The following MED12L variants were observed in gnomAD, a reference collection of about 807,000 sequenced individuals.
MED12L encodes the protein mediator complex subunit 12L.
MED12L carries 60 observed loss-of-function variants against 281.3 expected under a neutral mutation model. The ratio of observed to expected loss-of-function variants is 0.21; its 90% CI spans 0.17 to 0.26. The LOEUF is 0.26. Ranked by LOEUF, MED12L falls within the 10% of genes least tolerant of loss-of-function variation. MED12L has a pLI of 1.00. For synonymous variants in MED12L, 974 were observed against 987.2 expected (o/e 0.99, Z 0.25); for missense variants, 2,146 against 2,680.9 (o/e 0.80, Z 4.41).
intron 28 of MED12L, 141 bp downstream of exon 28, chr3:151,376,355 G>A: frequency 1.5e-6 from 1 of 668,964 alleles, no homozygotes; most frequent in East Asian, 3.1e-5. Context: ...CTGTGGAATT[G>A]ACATACTTTA....
chr3:151,360,391 C>A (rs1478904787), intron 20 of MED12L, 83 bp from the exon 21 acceptor site: 2 of 1,259,168 alleles, frequency 1.6e-6, no homozygotes, highest in African/African-American at 1.5e-5. Context: ...CCAAGTGATA[C>A]ATATTTTCAT....
At chr3:151,195,795 C>T (rs1724566165) in intron 16 of MED12L, among the ~76,000 whole-genome samples, 1 of 152,176 alleles carries the variant, frequency 6.6e-6, no homozygotes, top group African/African-American at 2.4e-5. Context: ...TCTCTTAAGT[C>T]ATTTACATTA....
intron 36 of MED12L, 43 bp downstream of exon 36, chr3:151,385,234 A>G (rs999849352): frequency 9.9e-7 from 1 of 1,007,442 alleles, no homozygotes; most frequent in Non-Finnish European, 1.5e-6. Context: ...TTATTTACAA[A>G]AGATGAAATA....
At position 151,242,523 on chromosome 3, in the gene MED12L, G is replaced by A. The variant is rs549227477; in HGVS notation, c.2250+48857G>A. Among the ~76,000 whole-genome samples the A allele has an allele frequency of 1.2e-4, 18 of 151,860 alleles. No homozygotes were observed. In the South Asian group the frequency reaches 1.2e-3, roughly 10 times the overall value. ...CAGGGGCACACTGACACCTCACACA[G>A]CAGGGTATTCCAACAGACCTGCAGC... On this transcript the variant is annotated intron_variant, in intron 16 of 44. Transcript: ENST00000687756.
At chr3:151,165,649 A>G (rs1046582858) in intron 10 of MED12L, 130 bp downstream of exon 10, 16 of 947,254 alleles carry the variant, frequency 1.7e-5, no homozygotes, top group Non-Finnish European at 6.5e-6. Flanking sequence ...TTTGAGGACA[A>G]TCTTCAGTTT....
intron 11 of MED12L, among the ~76,000 whole-genome samples, chr3:151,181,949 G>A (rs1249950536): frequency 6.6e-6 from 1 of 151,964 alleles, no homozygotes; most frequent in Non-Finnish European, 1.5e-5. Flanking sequence ...ATGTAGCATT[G>A]TGACCTTGCA....
chr3:151,252,810 A>G (rs996158185), intron 16 of MED12L, among the ~76,000 whole-genome samples: 6 of 152,146 alleles, frequency 3.9e-5, no homozygotes, highest in East Asian at 1.9e-4. Flanking sequence ...ACTTATCTAG[A>G]AAACCTTGAG....
Position 151,436,370 on chromosome 3 carries a change from A to T in MED12L, c.*3566A>T. On this transcript the variant is annotated 3_prime_UTR_variant, in exon 45 of 45. Coordinates refer to ENST00000687756, the MANE Select transcript of MED12L (RefSeq NM_001393769.1). ...GTGGACACTAGGCAACTGGTATTAGAAGTTCATTTTTTTACTGAAAAATTC... is the reference window on the plus strand; with the variant it reads ...GTGGACACTAGGCAACTGGTATTAGTAGTTCATTTTTTTACTGAAAAATTC... 4.4e-6 allele frequency: 1 copy of T among 224,906 alleles called. No homozygotes were observed. The allele number at this position is 224,906 out of a possible 1,614,324, so 13.9% of individuals were successfully genotyped here.
At chr3:151,153,057 A>G (rs1234072325) in intron 5 of MED12L, among the ~76,000 whole-genome samples, 1 of 152,184 alleles carries the variant, frequency 6.6e-6, no homozygotes, top group African/African-American at 2.4e-5. Flanking sequence ...ACGTGTTTTC[A>G]TATACTAGAG....
At chr3:151,318,949 C>G (rs1288125789) in intron 16 of MED12L, among the ~76,000 whole-genome samples, 2 of 152,114 alleles carry the variant, frequency 1.3e-5, no homozygotes, top group Non-Finnish European at 2.9e-5. Context: ...GCACTTTTTC[C>G]TTTCCCAATA....
chr3:151,188,854 T>A (rs1014372491), intron 13 of MED12L, among the ~76,000 whole-genome samples: 3 of 152,208 alleles, frequency 2.0e-5, no homozygotes, highest in Non-Finnish European at 4.4e-5. Context: ...CAAGCAACAG[T>A]ACTCTATAGC....
At chr3:151,290,583 GAACA>G (rs1328861760) in intron 16 of MED12L, among the ~76,000 whole-genome samples, 1 of 150,868 alleles carries the variant, frequency 6.6e-6, no homozygotes, top group Non-Finnish European at 1.5e-5. Context: ...AATTTAGAAA[GAACA>G]GTCTATTTGT....
chr3:151,365,137 C>A lies in MED12L; in HGVS notation c.3116C>A (p.Ala1039Glu). The A allele has an allele frequency of 1.2e-6, 2 of 1,614,014 alleles. No homozygotes were observed. The highest frequency in any genetic ancestry group is 2.2e-5 in the East Asian group (1 of 44,880). ...SMLGKILSDN[A>E]ANRYSFVCNT... ...CTGGGCAAGATCCTCAGTGACAATG[C>A]GGCCAATCGCTACAGCTTTGTCTGC... is the stretch of plus-strand genomic sequence containing the variant. The change falls in exon 22 of 45, where the codon GCG becomes GAG. Residue 1039 changes from alanine (A) to glutamate (E), a missense_variant. Ala to Glu is a moderately radical substitution (Grantham distance 107, BLOSUM62 -1). Transcript: ENST00000687756.
intron 15 of MED12L, 99 bp downstream of exon 15, chr3:151,192,753 T>A (rs574134939): frequency 1.3e-6 from 1 of 752,922 alleles, no homozygotes; most frequent in South Asian, 1.6e-5. Flanking sequence ...ACTTGCACAT[T>A]TGTGATATGT....
chr3:151,285,095 T>G (rs959847927), intron 16 of MED12L, among the ~76,000 whole-genome samples: 2 of 152,214 alleles, frequency 1.3e-5, no homozygotes, highest in African/African-American at 2.4e-5. Flanking sequence ...TTAGAGATCA[T>G]TATTCTTAAT....
chr3:151,143,153 G>T (rs1212111542), intron 5 of MED12L, among the ~76,000 whole-genome samples: 2 of 152,188 alleles, frequency 1.3e-5, no homozygotes, highest in Non-Finnish European at 2.9e-5. Context: ...GATCTGGCTG[G>T]TCTGTGTACT....
At chr3:151,210,407 A>G (rs1467593658) in intron 16 of MED12L, among the ~76,000 whole-genome samples, 1 of 152,228 alleles carries the variant, frequency 6.6e-6, no homozygotes, top group Non-Finnish European at 1.5e-5. Context: ...AGTGATGACA[A>G]CATTTCGTAA....
chr3:151,397,120 T>C lies in MED12L; in HGVS notation c.5820+2253T>C, dbSNP rs554543474. On this transcript the variant is annotated intron_variant, in intron 39 of 44. Transcript: ENST00000687756. Reference sequence around the variant, plus strand: ...AACTCCATTACAGTGTTGGATTTTTTTTCTTTATTCTTCTCTTTTTAAACT... The same window carrying C: ...AACTCCATTACAGTGTTGGATTTTTCTTCTTTATTCTTCTCTTTTTAAACT... Among the ~76,000 whole-genome samples, 123 of 152,168 alleles carry C rather than the reference T, an allele frequency of 8.1e-4. 1 individual carries two copies. The highest frequency in any genetic ancestry group is 6.8e-3 in the South Asian group (33 of 4,830).
chr3:151,312,258 G>A (rs1012185605), intron 16 of MED12L, among the ~76,000 whole-genome samples: 4 of 152,160 alleles, frequency 2.6e-5, no homozygotes, highest in Non-Finnish European at 5.9e-5. Context: ...CAGTCTAGAG[G>A]CAACAGATAT....
Sources: gnomAD v4.1 joint callset for allele counts (sites outside exome capture counted in the v4.1 genomes callset) on GRCh38, gnomAD v4.1.1 for gene constraint, MANE v1.5 for transcripts, NCBI Gene and HGNC (gene_info 2026-07-23, HGNC 2026-07-21) for gene names.